Variants in SCRG1 observed in about 807,000 individuals in gnomAD.
The protein encoded by SCRG1 is stimulator of chondrogenesis 1.
A neutral mutation model predicts 7.7 loss-of-function variants in SCRG1; 3 were observed. The observed-to-expected ratio is 0.39, with a 90% CI of 0.18 to 1.01. The LOEUF (loss-of-function observed/expected upper bound fraction) is 1.01. Among genes scored for constraint, SCRG1 ranks in the 50% least tolerant of loss-of-function variants. The pLI, the probability that SCRG1 is intolerant of heterozygous loss-of-function variation, is 0.36. For synonymous variants in SCRG1, 46 were observed against 41.2 expected (o/e 1.12, Z -0.44); for missense variants, 110 against 117.2 (o/e 0.94, Z 0.28).
chr4:173,496,964 G>C, the SCRG1 span, among the ~76,000 whole-genome samples: 438 of 152,144 alleles, frequency 2.9e-3, no homozygotes, highest in African/African-American at 0.01. Context: ...AAATTAGCCA[G>C]GTGTGGTGGT....
chr4:173,461,584 C>G, the SCRG1 span, among the ~76,000 whole-genome samples: 1 of 152,274 alleles, frequency 6.6e-6, no homozygotes, highest in South Asian at 2.1e-4. Context: ...AGCCTTGCTA[C>G]GAAAGACAGC....
At chr4:173,479,448 T>G in the SCRG1 span, among the ~76,000 whole-genome samples, 1 of 149,222 alleles carries the variant, frequency 6.7e-6, no homozygotes, top group Non-Finnish European at 1.5e-5. Flanking sequence ...TTTTTGTTTT[T>G]TTTTTTTTTT....
the SCRG1 span, among the ~76,000 whole-genome samples, chr4:173,518,551 T>C: frequency 0.21 from 32,139 of 152,048 alleles, 3,840 homozygotes; most frequent in Middle Eastern, 0.4. Context: ...CCTCTCACCT[T>C]GGAGAGGCCT....
At chr4:173,403,752 T>A (rs1403586038), upstream of SCRG1, among the ~76,000 whole-genome samples, 1 of 152,150 alleles carries the variant, frequency 6.6e-6, no homozygotes, top group African/African-American at 2.4e-5. Context: ...CCTGGCAGTC[T>A]CTAAGGGGCA....
intron 1 of SCRG1, chr4:173,398,360 C>G (rs1739663304): frequency 6.6e-6 from 1 of 152,160 alleles, no homozygotes; most frequent in Non-Finnish European, 1.5e-5. Flanking sequence ...TTGCATCATT[C>G]TCCTTCTTTT....
chr4:173,508,195 G>A, the SCRG1 span, among the ~76,000 whole-genome samples: 1 of 152,222 alleles, frequency 6.6e-6, no homozygotes, highest in Non-Finnish European at 1.5e-5. This position sits in a 1 kb window ranked among gnomAD's most constrained non-coding sequence, Gnocchi z 4.4. Flanking sequence ...TACAGAGCAA[G>A]ACTTGAAGTC....
the SCRG1 span, among the ~76,000 whole-genome samples, chr4:173,493,639 A>G: frequency 5.9e-3 from 891 of 150,938 alleles, 10 homozygotes; most frequent in African/African-American, 0.021. Context: ...AAAAAGCAGC[A>G]TTAGTGGCAC....
At chr4:173,491,979 T>A in the SCRG1 span, among the ~76,000 whole-genome samples, 1 of 151,884 alleles carries the variant, frequency 6.6e-6, no homozygotes, top group African/African-American at 2.4e-5. Context: ...TTTTTTTTTT[T>A]AATTAGCTGG....
chr4:173,390,282 A>G (rs1032483648), intron 2 of SCRG1, among the ~76,000 whole-genome samples: 1 of 152,202 alleles, frequency 6.6e-6, no homozygotes, highest in Non-Finnish European at 1.5e-5. Flanking sequence ...ACGATAGTAG[A>G]TAAATCAATA....
chr4:173,496,120 G>A, the SCRG1 span, among the ~76,000 whole-genome samples: 2 of 152,190 alleles, frequency 1.3e-5, no homozygotes, highest in African/African-American at 4.8e-5. Context: ...AGATTATAAA[G>A]AGCATTATTG....
chr4:173,504,613 G>A, the SCRG1 span, among the ~76,000 whole-genome samples: 1 of 152,244 alleles, frequency 6.6e-6, no homozygotes, highest in African/African-American at 2.4e-5. The surrounding 1 kb of genome is among the most constrained non-coding windows in gnomAD (Gnocchi z 4.7). Context: ...TTCAAATTTT[G>A]TGCACAATTA....
the SCRG1 span, among the ~76,000 whole-genome samples, chr4:173,484,477 T>C: frequency 1.6e-5 from 1 of 62,536 alleles, no homozygotes; most frequent in Non-Finnish European, 2.8e-5. Context: ...TAATATATAA[T>C]ATATATTATA....
At chr4:173,397,048 G>T (rs548712321) in intron 1 of SCRG1, among the ~76,000 whole-genome samples, 1 of 151,938 alleles carries the variant, frequency 6.6e-6, no homozygotes, top group Non-Finnish European at 1.5e-5. Flanking sequence ...GCCAGACTCC[G>T]TCTCAAAAAA....
At chr4:173,470,706 T>G in the SCRG1 span, among the ~76,000 whole-genome samples, 1 of 152,368 alleles carries the variant, frequency 6.6e-6, no homozygotes, top group Non-Finnish European at 1.5e-5. Flanking sequence ...GTGGGAATTT[T>G]TAGAAGCACC....
At chr4:173,392,721 A>G (rs1578961938) in intron 1 of SCRG1, among the ~76,000 whole-genome samples, 1 of 152,222 alleles carries the variant, frequency 6.6e-6, no homozygotes, top group South Asian at 2.1e-4. Context: ...TTATCTTGTT[A>G]ACAGGTGCCA....
Position 173,391,182 on chromosome 4 carries a change from CA to C in SCRG1, c.232del (p.Cys78AlafsTer15), listed in dbSNP as rs1390712075. On this transcript the variant is annotated frameshift_variant, in exon 2 of 3. Coordinates refer to ENST00000296506, the MANE Select transcript of SCRG1 (RefSeq NM_007281.4). LOFTEE classifies it high-confidence loss of function. ...ICYCNFSELL[C>X]CPKDVFFGPK... ...GATACCATTTCCTTACTTTGGGCAG[CA>C]GAGCAATTCGCTGAAGTTGCAGTAA... The C allele has an allele frequency of 1.2e-6, 2 of 1,614,104 alleles. No homozygotes were observed. The highest frequency in any genetic ancestry group is 1.7e-6 in the Non-Finnish European group (2 of 1,180,006).
At chr4:173,435,186 C>T in the SCRG1 span, among the ~76,000 whole-genome samples, 1 of 151,910 alleles carries the variant, frequency 6.6e-6, no homozygotes, top group African/African-American at 2.4e-5. Context: ...TTCCCCTCCA[C>T]CACCACTTAA....
upstream of SCRG1, among the ~76,000 whole-genome samples, chr4:173,408,307 T>C (rs1739964085): frequency 6.6e-6 from 1 of 152,190 alleles, no homozygotes; most frequent in Non-Finnish European, 1.5e-5. Context: ...CAAATGACAA[T>C]TTGATCAAAT....
chr4:173,389,975 G>T, intron 2 of SCRG1: 1 of 249,882 alleles, frequency 4.0e-6, no homozygotes, highest in South Asian at 3.7e-5. Context: ...AATAACCAGG[G>T]GGAAATGATT....
Sources: gnomAD v4.1 joint callset for allele counts (sites outside exome capture counted in the v4.1 genomes callset) on GRCh38, gnomAD v4.1.1 for gene constraint, Gnocchi (gnomAD v3.1) non-coding constraint, MANE v1.5 for transcripts, NCBI Gene and HGNC (gene_info 2026-07-23, HGNC 2026-07-21) for gene names.